Variants in ASIC5 observed in about 807,000 individuals in gnomAD.
ASIC5 encodes acid sensing ion channel subunit family member 5, also known as bile acid-sensitive ion channel.
A neutral mutation model predicts 51.2 loss-of-function variants in ASIC5; 52 were observed. The ratio of observed to expected loss-of-function variants is 1.02; its 90% CI spans 0.81 to 1.28. The LOEUF (loss-of-function observed/expected upper bound fraction) is 1.28. ASIC5 is among the 50% of genes most tolerant of loss of function. ASIC5 has a pLI of 0.00. For synonymous variants in ASIC5, 231 were observed against 200.7 expected (o/e 1.15, Z -1.28); for missense variants, 635 against 595.0 (o/e 1.07, Z -0.70).
At chr4:155,841,000 A>G (rs1242452639) in intron 6 of ASIC5, among the ~76,000 whole-genome samples, 1 of 151,920 alleles carries the variant, frequency 6.6e-6, no homozygotes. Context: ...GATCTCACCA[A>G]TCAGAACCCC....
intron 4 of ASIC5, among the ~76,000 whole-genome samples, chr4:155,844,647 A>G (rs1436264910): frequency 6.6e-6 from 1 of 151,312 alleles, no homozygotes; most frequent in Non-Finnish European, 1.5e-5. Flanking sequence ...TCTTTCTCTC[A>G]TTGGATTTGA....
Position 155,855,558 on chromosome 4 carries a change from A to T in ASIC5, c.348-1244T>A, listed in dbSNP as rs1469472275. On this transcript the variant is annotated intron_variant, in intron 2 of 9. Transcript: ENST00000537611. Reference sequence around the variant, plus strand: ...AACTGAACAAATGTTCTCTCTTTAAATTGACTGCTAAAGGCATAGAACGGA... The same window carrying T: ...AACTGAACAAATGTTCTCTCTTTAATTTGACTGCTAAAGGCATAGAACGGA... Among the ~76,000 whole-genome samples, 8 of 152,044 alleles carry T rather than the reference A, an allele frequency of 5.3e-5. No individual in the cohort carries two copies. In the East Asian group the frequency reaches 1.5e-3, roughly 29 times the overall value.
chr4:155,853,475 A>G (rs1211267471), intron 3 of ASIC5, among the ~76,000 whole-genome samples: 1 of 151,262 alleles, frequency 6.6e-6, no homozygotes, highest in Admixed American at 6.6e-5. Context: ...TTAAATGTAG[A>G]TTAATTTTAT....
intron 9 of ASIC5, 98 bp downstream of exon 9, chr4:155,831,726 A>G: frequency 7.1e-6 from 5 of 700,472 alleles, no homozygotes; most frequent in Non-Finnish European, 1.2e-5. Flanking sequence ...GTAAGCCAAG[A>G]TGGCGCCACT....
chr4:155,835,561 C>T (rs1378237987), intron 8 of ASIC5, among the ~76,000 whole-genome samples: 1 of 152,124 alleles, frequency 6.6e-6, no homozygotes, highest in Non-Finnish European at 1.5e-5. Flanking sequence ...AGATTTCTAT[C>T]AACCAAAAGA....
At position 155,863,779 on chromosome 4, in the gene ASIC5, T is replaced by A. The variant is rs1287796558; in HGVS notation, c.41-25A>T. 23 of 1,560,426 alleles carry A rather than the reference T, an allele frequency of 1.5e-5. No individual in the cohort carries two copies. In the Admixed American group the frequency reaches 2.5e-4, roughly 17 times the overall value. The stretch of plus-strand genomic sequence containing the variant: ...CCTTAAGGTTTTGCCCATAAAATGA[T>A]TAAACAAAAAAAAGTAATTAGGAAA... On this transcript the variant is annotated intron_variant, in intron 1 of 9. Transcript: ENST00000537611.
intron 2 of ASIC5, among the ~76,000 whole-genome samples, chr4:155,856,258 T>C (rs1270729598): frequency 6.6e-6 from 1 of 152,108 alleles, no homozygotes; most frequent in East Asian, 1.9e-4. Flanking sequence ...CTGCCTCATG[T>C]CACTAATTTT....
chr4:155,829,822 C>A lies in ASIC5; in HGVS notation c.*34G>T. 1 of 1,336,082 alleles carries A rather than the reference C, an allele frequency of 7.5e-7. No individual in the cohort carries two copies. Among genetic ancestry groups the A allele is most frequent in the Middle Eastern group, 2.7e-4 (1 of 3,738 alleles). The allele number at this position is 1,336,082 out of a possible 1,614,324, so 82.8% of individuals were successfully genotyped here. A position where few individuals can be genotyped will look rare whatever the true frequency, so the allele number is the denominator to read the frequency against. ...TTAGTCAAGATAAATCTGAAGGTATCATGAAAAGGAAACTATTTTATTCTA... is the reference window on the plus strand; with the variant it reads ...TTAGTCAAGATAAATCTGAAGGTATAATGAAAAGGAAACTATTTTATTCTA... On this transcript the variant is annotated 3_prime_UTR_variant, in exon 10 of 10. Transcript: ENST00000537611.
At chr4:155,831,246 A>C (rs1241996943) in intron 9 of ASIC5, among the ~76,000 whole-genome samples, 5 of 152,140 alleles carry the variant, frequency 3.3e-5, no homozygotes, top group African/African-American at 1.2e-4. Flanking sequence ...CTACAAAGTC[A>C]CTTGATGAGG....
At chr4:155,865,618 A>G (rs1741842729) in intron 1 of ASIC5, among the ~76,000 whole-genome samples, 1 of 152,114 alleles carries the variant, frequency 6.6e-6, no homozygotes, top group South Asian at 2.1e-4. Flanking sequence ...ATATACATCT[A>G]ATCCTTGACA....
At chr4:155,846,406 T>A (rs958483095) in intron 4 of ASIC5, among the ~76,000 whole-genome samples, 4 of 152,106 alleles carry the variant, frequency 2.6e-5, no homozygotes, top group African/African-American at 4.8e-5. Context: ...TTAATGAAAA[T>A]AGCTGCATCT....
At chr4:155,834,142 A>T (rs1187429842) in intron 8 of ASIC5, among the ~76,000 whole-genome samples, 1 of 152,150 alleles carries the variant, frequency 6.6e-6, no homozygotes. Flanking sequence ...CGTCAGACAC[A>T]ATTTACCCTT....
chr4:155,850,811 C>A (rs1268030352), intron 4 of ASIC5, among the ~76,000 whole-genome samples: 2 of 151,960 alleles, frequency 1.3e-5, no homozygotes, highest in African/African-American at 2.4e-5. Flanking sequence ...TACACTATTT[C>A]TTTAACACTA....
At chr4:155,865,190 A>G (rs187323259) in intron 1 of ASIC5, 1 of 152,116 alleles carries the variant, frequency 6.6e-6, no homozygotes, top group Non-Finnish European at 1.5e-5. Flanking sequence ...TTCACTAAGC[A>G]GGATAGCTTG....
At chr4:155,835,989 T>C (rs1472929559) in intron 8 of ASIC5, among the ~76,000 whole-genome samples, 6 of 152,216 alleles carry the variant, frequency 3.9e-5, no homozygotes, top group Non-Finnish European at 8.8e-5. Flanking sequence ...ACTGTATATA[T>C]TGCTGCTTCA....
chr4:155,849,333 A>G (rs1048536154), intron 4 of ASIC5, among the ~76,000 whole-genome samples: 2 of 152,002 alleles, frequency 1.3e-5, no homozygotes, highest in African/African-American at 2.4e-5. Flanking sequence ...GATGGCACAA[A>G]TCTACGGCTG....
chr4:155,860,941 G>A (rs1723653021), intron 2 of ASIC5, among the ~76,000 whole-genome samples: 1 of 151,582 alleles, frequency 6.6e-6, no homozygotes, highest in Non-Finnish European at 1.5e-5. Flanking sequence ...CAAAAGTTTG[G>A]TATGTTGTGT....
chr4:155,854,258 A>G lies in ASIC5; in HGVS notation c.404T>C (p.Val135Ala), dbSNP rs1159574143. 1 of 1,613,254 alleles carries G rather than the reference A, an allele frequency of 6.2e-7. No individual in the cohort carries two copies. The highest frequency in any genetic ancestry group is 2.2e-5 in the East Asian group (1 of 44,830). The change falls in exon 3 of 10, where the codon GTA becomes GCA. Residue 135 changes from valine to alanine, a missense_variant. Physicochemically the swap from Val to Ala is moderately conservative, Grantham distance 64. Transcript: ENST00000537611. ...TTCTTGAAGATGGAGGACTTTGGAT[A>G]CAATGTGCCATAAGAAAAAAATAAC... ...FGVIFFLWHI[V>A]SKVLHLQEIT...
chr4:155,860,115 C>A (rs983497707), intron 2 of ASIC5, among the ~76,000 whole-genome samples: 1 of 151,796 alleles, frequency 6.6e-6, no homozygotes, highest in Non-Finnish European at 1.5e-5. Context: ...TGAATATAAT[C>A]CACAGATAAA....
Sources: gnomAD v4.1 joint callset for allele counts (sites outside exome capture counted in the v4.1 genomes callset) on GRCh38, gnomAD v4.1.1 for gene constraint, MANE v1.5 for transcripts, NCBI Gene and HGNC (gene_info 2026-07-23, HGNC 2026-07-21) for gene names.